Variants in FBXO32 observed in about 807,000 individuals in gnomAD.
FBXO32 encodes F-box only protein 32.
FBXO32 carries 15 observed loss-of-function variants against 48.3 expected under a neutral mutation model. The ratio of observed to expected loss-of-function variants is 0.31; its 90% CI spans 0.21 to 0.48. The LOEUF (loss-of-function observed/expected upper bound fraction) is 0.48. Ranked by LOEUF, FBXO32 falls within the 20% of genes least tolerant of loss-of-function variation. The probability of loss-of-function intolerance (pLI) is 0.99; values close to 1 mark genes in which losing one functional copy is unlikely to be tolerated. For synonymous variants in FBXO32, 154 were observed against 165.9 expected (o/e 0.93, Z 0.55); for missense variants, 309 against 432.7 (o/e 0.71, Z 2.54).
chr8:123,531,670 G>C (rs1045928787), intron 4 of FBXO32, among the ~76,000 whole-genome samples: 4 of 152,162 alleles, frequency 2.6e-5, no homozygotes, highest in African/African-American at 9.7e-5. Context: ...GGGGTATTAT[G>C]GCGGCCCCTG....
In FBXO32 at chr8:123,531,888, T is replaced by C. The variant is rs1340354709; in HGVS notation, c.372+10A>G. 1 of 1,613,722 alleles carries C rather than the reference T, an allele frequency of 6.2e-7. No homozygotes were observed. The highest frequency in any genetic ancestry group is 1.3e-5 in the African/African-American group (1 of 75,028). ...GAGCCTGGATGAGCCTTTAGGCACT[T>C]GAGACTTACCCGGACCACGTAGTTA... On this transcript the variant is annotated intron_variant, in intron 4 of 8. Transcript: ENST00000517956.
At chr8:123,519,379 A>C (rs1458758495) in intron 4 of FBXO32, among the ~76,000 whole-genome samples, 1 of 151,096 alleles carries the variant, frequency 6.6e-6, no homozygotes, top group Non-Finnish European at 1.5e-5. Context: ...GTGAAACCCC[A>C]TCTCTACTAA....
At position 123,541,115 on chromosome 8, in the gene FBXO32, CG is replaced by C. The variant is rs1166482238; in HGVS notation, c.-102del. On this transcript the variant is annotated 5_prime_UTR_variant, in exon 1 of 9. Transcript: ENST00000517956. ...ATGCTCGGGGTGCAGGGGCCCGCGA[CG>C]GGGGCGGCGGGGCGGCGGGAACGGC... 1.7e-5 allele frequency: 10 copies of C among 594,346 alleles called. No homozygotes were observed. The highest frequency in any genetic ancestry group is 4.5e-5 in the Admixed American group (1 of 22,176). The allele number at this position is 594,346 out of a possible 1,614,324, so 36.8% of individuals were successfully genotyped here.
At position 123,541,204 on chromosome 8, in the gene FBXO32, G is replaced by A; in HGVS notation, c.-190C>T. The A allele has an allele frequency of 2.8e-6, 1 of 358,496 alleles. No individual in the cohort carries two copies. The allele number at this position is 358,496 out of a possible 1,614,324, so 22.2% of individuals were successfully genotyped here. On this transcript the variant is annotated 5_prime_UTR_variant, in exon 1 of 9. Transcript: ENST00000517956. ...CTCAAGCGTTGCAGGCTCCGGGAGT[G>A]CTGCGCGGCAGTAGCTGCCGCAGTA...
rs139710785 is a variant in FBXO32, at chr8:123,504,488, C to T, written c.978+116G>A. The T allele has an allele frequency of 5.6e-6, 3 of 539,718 alleles. No individual in the cohort carries two copies. In the East Asian group the frequency reaches 2.8e-4, roughly 50 times the overall value. 33.4% of individuals were successfully genotyped at this position (539,718 alleles called of 1,614,324 possible). ...TGAATCAGTTTACCCTCACTTTCAG[C>T]TGGGGGCTGTGATGGGGAAGAGGCG... is the stretch of plus-strand genomic sequence containing the variant. On this transcript the variant is annotated intron_variant, in intron 8 of 8. Coordinates refer to ENST00000517956, the MANE Select transcript of FBXO32 (RefSeq NM_058229.4).
Position 123,513,248 on chromosome 8 carries a change from C to T in FBXO32, c.601G>A (p.Glu201Lys). 1 of 1,614,176 alleles carries T rather than the reference C, an allele frequency of 6.2e-7. No individual in the cohort carries two copies. The highest frequency in any genetic ancestry group is 8.5e-7 in the Non-Finnish European group (1 of 1,180,028). ...TGCTGCTGCCAGTGGAGAATCGTCTCCATCCGATACACCCACATGTTAATG... is the reference window on the plus strand; with the variant it reads ...TGCTGCTGCCAGTGGAGAATCGTCTTCATCCGATACACCCACATGTTAATG... The part of the protein sequence containing the change: ...GNINMWVYRM[E>K]TILHWQQQLN... The change falls in exon 6 of 9, where the codon GAG becomes AAG. Residue 201 changes from glutamate (E) to lysine (K), a missense_variant. Transcript: ENST00000517956. The surrounding 1 kb of genome is among the most constrained non-coding windows in gnomAD (Gnocchi z 4.3).
chr8:123,527,900 G>A (rs551048655), intron 4 of FBXO32, among the ~76,000 whole-genome samples: 153 of 152,292 alleles, frequency 1.0e-3, no homozygotes, highest in African/African-American at 3.6e-3. Flanking sequence ...ATATAGGAGG[G>A]GCTGTCCTCT....
At chr8:123,527,352 G>C (rs1043156063) in intron 4 of FBXO32, 1 of 152,076 alleles carries the variant, frequency 6.6e-6, no homozygotes, top group African/African-American at 2.4e-5. Flanking sequence ...ACTAAATAAC[G>C]GTTGCTTTCA....
intron 7 of FBXO32, among the ~76,000 whole-genome samples, 164 bp from the exon 8 acceptor site, chr8:123,504,911 C>T (rs908186305): frequency 3.3e-5 from 5 of 152,128 alleles, no homozygotes; most frequent in African/African-American, 9.7e-5. Context: ...ACCTGCTTAG[C>T]TCTCCTCAGT....
rs1035674095 is a variant in FBXO32, at chr8:123,541,099, G to T, written c.-85C>A. 60 of 832,046 alleles carry T rather than the reference G, an allele frequency of 7.2e-5. No individual in the cohort carries two copies. In the East Asian group the frequency reaches 1.9e-3, roughly 27 times the overall value. The allele number at this position is 832,046 out of a possible 1,614,324, so 51.5% of individuals were successfully genotyped here. ...GTGCCACCCGGGGCGGATGCTCGGG[G>T]TGCAGGGGCCCGCGACGGGGGCGGC... On this transcript the variant is annotated 5_prime_UTR_variant, in exon 1 of 9. Coordinates refer to ENST00000517956, the MANE Select transcript of FBXO32 (RefSeq NM_058229.4).
chr8:123,525,128 T>G lies in FBXO32; in HGVS notation c.372+6770A>C, dbSNP rs192625637. Among the ~76,000 whole-genome samples the G allele has an allele frequency of 1.8e-3, 269 of 152,368 alleles. No homozygotes were observed. The highest frequency in any genetic ancestry group is 6.1e-3 in the African/African-American group (255 of 41,582). ...CATCGTGCCATATTCCAGCCTTTTG[T>G]TTGCCAAACCACCAGTCAACTTAAA... On this transcript the variant is annotated intron_variant, in intron 4 of 8. Coordinates refer to ENST00000517956, the MANE Select transcript of FBXO32 (RefSeq NM_058229.4). This position sits in a 1 kb window ranked among gnomAD's most constrained non-coding sequence, Gnocchi z 4.3.
intron 4 of FBXO32, among the ~76,000 whole-genome samples, chr8:123,518,565 G>T (rs1816884808): frequency 6.6e-6 from 1 of 152,182 alleles, no homozygotes; most frequent in South Asian, 2.1e-4. Context: ...TTTATGACTT[G>T]CATAGTTTTT....
At chr8:123,520,428 G>T (rs13266414) in intron 4 of FBXO32, among the ~76,000 whole-genome samples, 1 of 152,122 alleles carries the variant, frequency 6.6e-6, no homozygotes, top group Non-Finnish European at 1.5e-5. Context: ...GACGAGCCGT[G>T]CAGTACCAGG....
At chr8:123,535,827 GT>G (rs397717101) in intron 1 of FBXO32, among the ~76,000 whole-genome samples, 64 of 146,760 alleles carry the variant, frequency 4.4e-4, no homozygotes, top group South Asian at 6.5e-4. Context: ...TAAATTAGGG[GT>G]TTTTTTTTTT....
Position 123,506,318 on chromosome 8 carries a change from G to A in FBXO32, c.834+74C>T. 1 of 1,503,064 alleles carries A rather than the reference G, an allele frequency of 6.7e-7. No individual in the cohort carries two copies. The highest frequency in any genetic ancestry group is 9.2e-7 in the Non-Finnish European group (1 of 1,092,606). The allele number at this position is 1,503,064 out of a possible 1,614,324, so 93.1% of individuals were successfully genotyped here. Reference sequence around the variant, plus strand: ...GGGGGAACCCAGACCTCAGGCTTGAGCAGGGCACCAAGGAAGTTTGGGGTG... The same window carrying A: ...GGGGGAACCCAGACCTCAGGCTTGAACAGGGCACCAAGGAAGTTTGGGGTG... On this transcript the variant is annotated intron_variant, in intron 7 of 8. Coordinates refer to ENST00000517956, the MANE Select transcript of FBXO32 (RefSeq NM_058229.4). This position sits in a 1 kb window ranked among gnomAD's most constrained non-coding sequence, Gnocchi z 4.0.
intron 4 of FBXO32, among the ~76,000 whole-genome samples, chr8:123,515,965 C>T (rs764913073): frequency 2.0e-5 from 3 of 152,116 alleles, no homozygotes; most frequent in Non-Finnish European, 4.4e-5. Flanking sequence ...GAACTCTCGC[C>T]TGGGCAACAG....
At chr8:123,530,946 A>C (rs1285378679) in intron 4 of FBXO32, among the ~76,000 whole-genome samples, 1 of 145,274 alleles carries the variant, frequency 6.9e-6, no homozygotes, top group African/African-American at 2.6e-5. Flanking sequence ...ATACGGTTTA[A>C]AATGGAAAGC....
chr8:123,504,807 G>T (rs926054621), intron 7 of FBXO32, 60 bp from the exon 8 acceptor site: 16 of 1,551,484 alleles, frequency 1.0e-5, no homozygotes, highest in South Asian at 2.4e-5. Flanking sequence ...ATGGCTTGTG[G>T]TTTTCCGGTT....
chr8:123,527,946 G>T (rs969057241), intron 4 of FBXO32, among the ~76,000 whole-genome samples: 1 of 152,130 alleles, frequency 6.6e-6, no homozygotes, highest in African/African-American at 2.4e-5. Context: ...CACAGTACAC[G>T]CCCCAGAAGT....
Sources: allele counts gnomAD v4.1 joint callset (sites outside exome capture counted in the v4.1 genomes callset), GRCh38; gene constraint gnomAD v4.1.1; non-coding constraint Gnocchi (gnomAD v3.1); transcripts MANE v1.5; gene names NCBI Gene and HGNC (gene_info 2026-07-23, HGNC 2026-07-21).